Variants in KCNQ1 observed in about 807,000 individuals in gnomAD.
The protein encoded by KCNQ1 is potassium voltage-gated channel subfamily Q member 1.
In KCNQ1, 49 loss-of-function variants were observed where a neutral mutation model predicts 72.4. The observed-to-expected ratio is 0.68, with a 90% CI of 0.54 to 0.86. The LOEUF is 0.86. KCNQ1 is among the 40% of genes least tolerant of loss of function. The probability of loss-of-function intolerance (pLI) is 0.00; values close to 1 mark genes in which losing one functional copy is unlikely to be tolerated. For missense variants in KCNQ1, 790 were observed against 945.1 expected, an observed-to-expected ratio of 0.84 and a Z score of 2.15; for synonymous variants, 450 against 412.6, an observed-to-expected ratio of 1.09 and a Z score of -1.10.
In KCNQ1 at chr11:2,698,942, C is replaced by T; in HGVS notation, c.1514+36861C>T. 2.5e-6 allele frequency: 1 copy of T among 398,614 alleles called. No homozygotes were observed. The allele number at this position is 398,614 out of a possible 1,614,324, so 24.7% of individuals were successfully genotyped here. ...TGGACCCTAGACCCGAATTCTGATCCCAACTAGGATACCTAACTCAGAACC... is the reference window on the plus strand; with the variant it reads ...TGGACCCTAGACCCGAATTCTGATCTCAACTAGGATACCTAACTCAGAACC... On this transcript the variant is annotated intron_variant, in intron 11 of 15. Coordinates refer to ENST00000155840, the MANE Select transcript of KCNQ1 (RefSeq NM_000218.3). The surrounding 1 kb of genome is among the most constrained non-coding windows in gnomAD (Gnocchi z 5.1).
Position 2,661,660 on chromosome 11 carries a change from A to G in KCNQ1, c.1394-301A>G. The G allele has an allele frequency of 3.4e-6, 2 of 594,718 alleles. No homozygotes were observed. The highest frequency in any genetic ancestry group is 2.8e-5 in the East Asian group (1 of 36,264). 36.8% of individuals were successfully genotyped at this position (594,718 alleles called of 1,614,324 possible). On this transcript the variant is annotated intron_variant, in intron 10 of 15. Transcript: ENST00000155840. The surrounding 1 kb of genome is among the most constrained non-coding windows in gnomAD (Gnocchi z 5.9). ...AAGTGTCAGTTGTGAACATGGGAAG[A>G]GGCCCAGAACCTGAGGTGGGGAGAG...
chr11:2,517,454 G>T (rs1847307109), intron 1 of KCNQ1, among the ~76,000 whole-genome samples: 1 of 152,148 alleles, frequency 6.6e-6, no homozygotes, highest in Non-Finnish European at 1.5e-5. Flanking sequence ...CGTTCCCCAG[G>T]GCCCCACGCG....
In KCNQ1 at chr11:2,457,705, T is replaced by C. The variant is rs1295537175; in HGVS notation, c.386+12221T>C. 6.6e-6 allele frequency among the ~76,000 whole-genome samples: 1 copy of C among 151,996 alleles called. No homozygotes were observed. The highest frequency in any genetic ancestry group is 1.5e-5 in the Non-Finnish European group (1 of 68,014). On this transcript the variant is annotated intron_variant, in intron 1 of 15. Coordinates refer to ENST00000155840, the MANE Select transcript of KCNQ1 (RefSeq NM_000218.3). The surrounding 1 kb of genome is among the most constrained non-coding windows in gnomAD (Gnocchi z 5.0). ...CGCACTACGTGGGAGACCGGATCGT[T>C]TGTACTCCAAACCTCAGCATCATGC...
intron 12 of KCNQ1, among the ~76,000 whole-genome samples, chr11:2,773,228 T>TTATA: frequency 6.6e-6 from 1 of 152,324 alleles, no homozygotes; most frequent in East Asian, 1.9e-4. Flanking sequence ...GTATCCCATC[T>TTATA]TATAGAAGAG....
At chr11:2,686,571 T>C (rs904494285) in intron 11 of KCNQ1, 2 of 398,698 alleles carry the variant, frequency 5.0e-6, no homozygotes, top group Non-Finnish European at 8.8e-6. Flanking sequence ...AGGACAGCTG[T>C]GGTGACTAGA....
intron 1 of KCNQ1, among the ~76,000 whole-genome samples, chr11:2,505,206 C>T (rs1847083337): frequency 1.3e-5 from 2 of 152,122 alleles, no homozygotes; most frequent in South Asian, 4.1e-4. Context: ...TATTCTGATG[C>T]TCTCTCTCCC....
intron 2 of KCNQ1, among the ~76,000 whole-genome samples, chr11:2,569,344 C>A (rs1848292084): frequency 6.6e-6 from 1 of 152,246 alleles, no homozygotes; most frequent in Non-Finnish European, 1.5e-5. Context: ...TTGGGCTTGT[C>A]CCAAACACAT....
intron 1 of KCNQ1, among the ~76,000 whole-genome samples, chr11:2,453,180 C>A (rs1236430919): frequency 1.3e-5 from 2 of 152,192 alleles, no homozygotes; most frequent in Admixed American, 1.3e-4. Flanking sequence ...TCGAGACCAG[C>A]CTGACCAACG....
chr11:2,837,675 G>C (rs563423022), intron 15 of KCNQ1, among the ~76,000 whole-genome samples: 88 of 152,300 alleles, frequency 5.8e-4, no homozygotes, highest in African/African-American at 2.0e-3. Flanking sequence ...AAGGGAGGGG[G>C]CCTCACCAAG....
rs1564811979 is a variant in KCNQ1, at chr11:2,544,304, GTATA to G, written c.477+16290_477+16293del. On this transcript the variant is annotated intron_variant, in intron 2 of 15. Coordinates refer to ENST00000155840, the MANE Select transcript of KCNQ1 (RefSeq NM_000218.3). This position sits in a 1 kb window ranked among gnomAD's most constrained non-coding sequence, Gnocchi z 4.4. ...TGTGTATATATATATGTATATATGT[GTATA>G]TATGTATATATCTATGTATATATAT... Among the ~76,000 whole-genome samples the G allele has an allele frequency of 1.1e-5, 1 of 89,544 alleles. No individual in the cohort carries two copies. Among genetic ancestry groups the G allele is most frequent in the African/African-American group, 5.5e-5 (1 of 18,302 alleles). The allele number at this position is 89,544 out of a possible 152,430, so 58.7% of individuals were successfully genotyped here.
chr11:2,798,564 T>A (rs183635033), intron 15 of KCNQ1, among the ~76,000 whole-genome samples: 2 of 149,092 alleles, frequency 1.3e-5, no homozygotes, highest in African/African-American at 2.5e-5. Context: ...AAAAAAAAAA[T>A]ACCCACTCTA....
Position 2,723,654 on chromosome 11 carries a change from G to C in KCNQ1, c.1515-45190G>C, listed in dbSNP as rs915312340. On this transcript the variant is annotated intron_variant, in intron 11 of 15. Coordinates refer to ENST00000155840, the MANE Select transcript of KCNQ1 (RefSeq NM_000218.3). The surrounding 1 kb of genome is among the most constrained non-coding windows in gnomAD (Gnocchi z 4.2). ...AGCCTCGAATCCCTCACACCTAGCG[G>C]TTGGCTGGGCAGGTGGACTGGTCCG... Among the ~76,000 whole-genome samples, 23 of 152,226 alleles carry C rather than the reference G, an allele frequency of 1.5e-4. No individual in the cohort carries two copies. Among genetic ancestry groups the C allele is most frequent in the Admixed American group, 3.3e-4 (5 of 15,286 alleles).
At chr11:2,791,591 C>G (rs982843558) in intron 15 of KCNQ1, among the ~76,000 whole-genome samples, 1 of 151,826 alleles carries the variant, frequency 6.6e-6, no homozygotes, top group Non-Finnish European at 1.5e-5. Context: ...AAACCGCGGG[C>G]GGGGAAGGAA....
rs1850165160 is a variant in KCNQ1, at chr11:2,670,577, A to T, written c.1514+8496A>T. The stretch of plus-strand genomic sequence containing the variant: ...GCCAGTATCACTGGGAGATAGGAGC[A>T]GAAGCCAGGGCTCATTCCCAGACAC... On this transcript the variant is annotated intron_variant, in intron 11 of 15. Coordinates refer to ENST00000155840, the MANE Select transcript of KCNQ1 (RefSeq NM_000218.3). This position sits in a 1 kb window ranked among gnomAD's most constrained non-coding sequence, Gnocchi z 4.9. The T allele has an allele frequency of 1.0e-5, 4 of 398,372 alleles. No homozygotes were observed. In the East Asian group the frequency reaches 1.4e-4, roughly 14 times the overall value. The allele number at this position is 398,372 out of a possible 1,614,324, so 24.7% of individuals were successfully genotyped here.
At chr11:2,578,821 A>G (rs933049673) in intron 6 of KCNQ1, among the ~76,000 whole-genome samples, 1 of 152,228 alleles carries the variant, frequency 6.6e-6, no homozygotes, top group Admixed American at 6.5e-5. Context: ...CTCTTAGCCC[A>G]TCTCTGCCTT....
intron 1 of KCNQ1, among the ~76,000 whole-genome samples, chr11:2,523,908 T>A (rs1361804303): frequency 6.6e-6 from 1 of 152,062 alleles, no homozygotes. Context: ...TCCGTGCAGG[T>A]CACTGAGAGG....
At position 2,512,233 on chromosome 11, in the gene KCNQ1, T is replaced by C. The variant is rs539352376; in HGVS notation, c.387-15695T>C. Among the ~76,000 whole-genome samples, 5 of 152,246 alleles carry C rather than the reference T, an allele frequency of 3.3e-5. No individual in the cohort carries two copies. The East Asian group carries it at 7.7e-4, about 24-fold the overall frequency. ...AATGAGAACCGCACATGCTCAGCCT[T>C]CCCTGGACTCAGGGCCCTACGGGTG... On this transcript the variant is annotated intron_variant, in intron 1 of 15. Coordinates refer to ENST00000155840, the MANE Select transcript of KCNQ1 (RefSeq NM_000218.3).
chr11:2,463,983 C>G lies in KCNQ1; in HGVS notation c.386+18499C>G, dbSNP rs1259290876. 6.6e-6 allele frequency among the ~76,000 whole-genome samples: 1 copy of G among 152,204 alleles called. No homozygotes were observed. The highest frequency in any genetic ancestry group is 6.5e-5 in the Admixed American group (1 of 15,288). On this transcript the variant is annotated intron_variant, in intron 1 of 15. Coordinates refer to ENST00000155840, the MANE Select transcript of KCNQ1 (RefSeq NM_000218.3). The surrounding 1 kb of genome is among the most constrained non-coding windows in gnomAD (Gnocchi z 7.0). ...TCGGCAGTTGGGTCTGGTTTGATAACCGTGGACCGGGGTGACAGGCCCTGA... is the reference window on the plus strand; with the variant it reads ...TCGGCAGTTGGGTCTGGTTTGATAAGCGTGGACCGGGGTGACAGGCCCTGA...
At chr11:2,835,107 C>G (rs1011951233) in intron 15 of KCNQ1, among the ~76,000 whole-genome samples, 1 of 152,152 alleles carries the variant, frequency 6.6e-6, no homozygotes, top group East Asian at 1.9e-4. Context: ...GCTGCCCGCC[C>G]GTCTGGGTCA....
Sources: gnomAD v4.1 joint callset for allele counts (sites outside exome capture counted in the v4.1 genomes callset) on GRCh38, gnomAD v4.1.1 for gene constraint, Gnocchi (gnomAD v3.1) non-coding constraint, MANE v1.5 for transcripts, NCBI Gene and HGNC (gene_info 2026-07-23, HGNC 2026-07-21) for gene names.